NUDCD3: variants seen among roughly 807,000 people sequenced by gnomAD.
The protein encoded by NUDCD3 is nudC domain-containing protein 3.
NUDCD3 carries 13 observed loss-of-function variants against 39.7 expected under a neutral mutation model. The observed-to-expected ratio is 0.33, with a 90% CI of 0.21 to 0.52. The LOEUF is 0.52. Ranked by LOEUF, NUDCD3 falls within the 20% of genes least tolerant of loss-of-function variation. The probability of loss-of-function intolerance (pLI) is 0.96; values close to 1 mark genes in which losing one functional copy is unlikely to be tolerated. For missense variants in NUDCD3, 453 were observed against 458.1 expected (o/e 0.99, Z 0.10); for synonymous variants, 175 against 172.4 (o/e 1.02, Z -0.12).
intron 2 of NUDCD3, among the ~76,000 whole-genome samples, chr7:44,432,308 T>C (rs985331568): frequency 6.6e-6 from 1 of 152,186 alleles, no homozygotes; most frequent in Non-Finnish European, 1.5e-5. Flanking sequence ...CAGACAATTC[T>C]GATTTTCAAA....
chr7:44,460,536 C>G (rs1263228271), intron 2 of NUDCD3, among the ~76,000 whole-genome samples: 2 of 151,974 alleles, frequency 1.3e-5, no homozygotes, highest in African/African-American at 2.4e-5. Flanking sequence ...TAAAAACCCA[C>G]CAGCATATAT....
At chr7:44,441,118 T>C (rs1320629480) in intron 2 of NUDCD3, among the ~76,000 whole-genome samples, 1 of 152,230 alleles carries the variant, frequency 6.6e-6, no homozygotes, top group Admixed American at 6.5e-5. Context: ...TAGCAAATTC[T>C]GGCAATGCTT....
At chr7:44,392,276 C>A in intron 5 of NUDCD3, 21 bp downstream of exon 5, 2 of 1,610,552 alleles carry the variant, frequency 1.2e-6, no homozygotes, top group South Asian at 2.2e-5. Context: ...GGTGGACTCT[C>A]CAGGACTGCC....
intron 2 of NUDCD3, among the ~76,000 whole-genome samples, chr7:44,454,190 T>A (rs1335250435): frequency 1.3e-5 from 2 of 151,890 alleles, no homozygotes; most frequent in African/African-American, 4.8e-5. Context: ...ATACAAAAAA[T>A]TAGCTGGGCA....
chr7:44,431,412 T>C (rs1442268604), intron 2 of NUDCD3, among the ~76,000 whole-genome samples: 1 of 152,148 alleles, frequency 6.6e-6, no homozygotes, highest in Admixed American at 6.5e-5. Flanking sequence ...GCCCTCTGTC[T>C]CCTTGGGGAT....
intron 3 of NUDCD3, among the ~76,000 whole-genome samples, chr7:44,410,907 A>G (rs1280074678): frequency 2.6e-5 from 4 of 152,180 alleles, no homozygotes; most frequent in Non-Finnish European, 5.9e-5. Flanking sequence ...CAGAAGTTGC[A>G]GTGAGCCAAG....
At chr7:44,457,473 C>T (rs1405637073) in intron 2 of NUDCD3, among the ~76,000 whole-genome samples, 1 of 152,142 alleles carries the variant, frequency 6.6e-6, no homozygotes, top group Non-Finnish European at 1.5e-5. Flanking sequence ...CTGCAGGTTA[C>T]AAGATCACTA....
At chr7:44,443,166 A>C (rs1799624192) in intron 2 of NUDCD3, among the ~76,000 whole-genome samples, 1 of 152,162 alleles carries the variant, frequency 6.6e-6, no homozygotes, top group African/African-American at 2.4e-5. Context: ...GAAAGAGAAC[A>C]ACCACATCCA....
At chr7:44,392,259 C>T in intron 5 of NUDCD3, 38 bp downstream of exon 5, 1 of 1,597,178 alleles carries the variant, frequency 6.3e-7, no homozygotes. Context: ...AGCACAAGGG[C>T]CTAAAGGGTG....
chr7:44,426,179 C>T (rs567626720), intron 3 of NUDCD3: 52 of 985,152 alleles, frequency 5.3e-5, no homozygotes, highest in Middle Eastern at 5.2e-4. Context: ...GGGGGGTGAC[C>T]GGGTGTTTGT....
intron 3 of NUDCD3, among the ~76,000 whole-genome samples, chr7:44,406,277 A>G (rs1307621809): frequency 6.6e-6 from 1 of 152,220 alleles, no homozygotes; most frequent in Non-Finnish European, 1.5e-5. Flanking sequence ...TTCCACTTGC[A>G]TGACCTTTCA....
At chr7:44,414,702 T>C (rs1006020869) in intron 3 of NUDCD3, among the ~76,000 whole-genome samples, 1 of 152,196 alleles carries the variant, frequency 6.6e-6, no homozygotes, top group Non-Finnish European at 1.5e-5. Flanking sequence ...ATTATGTAAA[T>C]ACAAAAATAA....
rs141361589 is a variant in NUDCD3, at chr7:44,411,063, A to T, written c.643-6480T>A. On this transcript the variant is annotated intron_variant, in intron 3 of 5. Transcript: ENST00000355451. ...TGGGAAAAGAATAGTATTTTCAAGTAATTGTACCATGAGAACTGAGTATTC... is the reference window on the plus strand; with the variant it reads ...TGGGAAAAGAATAGTATTTTCAAGTTATTGTACCATGAGAACTGAGTATTC... Among the ~76,000 whole-genome samples, 22 of 152,368 alleles carry T rather than the reference A, an allele frequency of 1.4e-4. No homozygotes were observed. In the East Asian group the frequency reaches 4.2e-3, roughly 29 times the overall value.
chr7:44,457,601 A>G (rs114381712), intron 2 of NUDCD3, among the ~76,000 whole-genome samples: 1 of 152,374 alleles, frequency 6.6e-6, no homozygotes, highest in African/African-American at 2.4e-5. Context: ...TACATGTTTT[A>G]AACTACGAAA....
chr7:44,415,316 A>C (rs969674114), intron 3 of NUDCD3, among the ~76,000 whole-genome samples: 1 of 152,166 alleles, frequency 6.6e-6, no homozygotes, highest in East Asian at 1.9e-4. Flanking sequence ...CCTTGTCTCT[A>C]TTCTGTGGGT....
intron 3 of NUDCD3, among the ~76,000 whole-genome samples, chr7:44,408,141 C>T (rs906884474): frequency 6.6e-6 from 1 of 152,090 alleles, no homozygotes; most frequent in Non-Finnish European, 1.5e-5. Context: ...TCAATCCTAA[C>T]AAGGGAAAAT....
At position 44,379,209 on chromosome 7, in the gene NUDCD3, T is replaced by A. The variant is rs937484724; in HGVS notation, c.*6802A>T. 1 of 151,934 alleles carries A rather than the reference T, an allele frequency of 6.6e-6. No individual in the cohort carries two copies. The highest frequency in any genetic ancestry group is 1.5e-5 in the Non-Finnish European group (1 of 68,042). 9.4% of individuals were successfully genotyped at this position (151,934 alleles called of 1,614,324 possible). A position where few individuals can be genotyped will look rare whatever the true frequency, so the allele number is the denominator to read the frequency against. ...GGTGCACACTTACAGTCCCAGCTAC[T>A]TGGGAGGCTGAAGCAGGAGGATCAC... is the stretch of plus-strand genomic sequence containing the variant. On this transcript the variant is annotated 3_prime_UTR_variant, in exon 6 of 6. Transcript: ENST00000355451.
At chr7:44,483,773 C>A (rs1414729631) in intron 2 of NUDCD3, among the ~76,000 whole-genome samples, 1 of 152,152 alleles carries the variant, frequency 6.6e-6, no homozygotes, top group Non-Finnish European at 1.5e-5. Flanking sequence ...ACAAAAACTC[C>A]CCCACAGCCT....
Position 44,484,973 on chromosome 7 carries a change from A to G in NUDCD3, c.504T>C (p.Leu168=). 1 of 1,592,568 alleles carries G rather than the reference A, an allele frequency of 6.3e-7. No homozygotes were observed. The highest frequency in any genetic ancestry group is 8.6e-7 in the Non-Finnish European group (1 of 1,168,572). The change falls in exon 2 of 6, where the codon CTT becomes CTC. Residue 168 remains leucine, a synonymous_variant. Coordinates refer to ENST00000355451, the MANE Select transcript of NUDCD3 (RefSeq NM_015332.4). Reference sequence around the variant, plus strand: ...TGCAAAGTAGAAATTCCCACCTGGGAAGAATTGGTGGTTCCCTAGGGACTT... The same window carrying G: ...TGCAAAGTAGAAATTCCCACCTGGGGAGAATTGGTGGTTCCCTAGGGACTT... ...AAEVPREPPI[L]PRIQEQFQKN...
Sources: gnomAD v4.1 joint callset for allele counts (sites outside exome capture counted in the v4.1 genomes callset) on GRCh38, gnomAD v4.1.1 for gene constraint, MANE v1.5 for transcripts, NCBI Gene and HGNC (gene_info 2026-07-23, HGNC 2026-07-21) for gene names.